Variants in TSPAN7 observed in about 807,000 individuals in gnomAD.
TSPAN7 encodes tetraspanin-7.
In TSPAN7, 1 loss-of-function variant was observed where a neutral mutation model predicts 17.6. The ratio of observed to expected loss-of-function variants is 0.06; its 90% CI spans 0.02 to 0.27. The LOEUF is 0.27. Ranked by LOEUF, TSPAN7 falls within the 10% of genes least tolerant of loss-of-function variation. The pLI is 1.00. For missense variants in TSPAN7, 112 were observed against 201.7 expected (o/e 0.56, Z 2.69); for synonymous variants, 78 against 79.0 (o/e 0.99, Z 0.07).
chrX:38,563,175 T>G, intron 1 of TSPAN7: 11 of 915,703 alleles, frequency 1.2e-5, no homozygotes, highest in East Asian at 7.6e-5. Context: ...CCAGGAGCTC[T>G]GCAATGAGCT....
intron 1 of TSPAN7, among the ~76,000 whole-genome samples, chrX:38,607,557 A>G (rs903208290): frequency 3.6e-5 from 4 of 111,510 alleles, no homozygotes; most frequent in African/African-American, 1.3e-4. Context: ...TTGTGGTGGG[A>G]CTGGAGAATC....
chrX:38,569,444 T>G (rs1191382348), intron 1 of TSPAN7, among the ~76,000 whole-genome samples: 1 of 99,096 alleles, frequency 1.0e-5, no homozygotes, highest in East Asian at 3.1e-4. Context: ...AGAATAAATA[T>G]CTGAACCTAT....
intron 2 of TSPAN7, among the ~76,000 whole-genome samples, chrX:38,667,345 G>A (rs760217082): frequency 2.7e-5 from 3 of 112,262 alleles, no homozygotes; most frequent in Non-Finnish European, 5.6e-5. Context: ...TAATGGTAAA[G>A]GATTTTATAG....
intron 1 of TSPAN7, among the ~76,000 whole-genome samples, chrX:38,574,309 A>T (rs1159430317): frequency 8.9e-6 from 1 of 112,404 alleles, no homozygotes; most frequent in African/African-American, 3.2e-5. Flanking sequence ...CTTTTTACAG[A>T]TGTAGTTGTT....
intron 5 of TSPAN7, among the ~76,000 whole-genome samples, chrX:38,678,255 A>C (rs1364829246): frequency 8.9e-6 from 1 of 112,173 alleles, no homozygotes; most frequent in African/African-American, 3.2e-5. Context: ...AGAGGAACAT[A>C]GTTACTTTGC....
intron 1 of TSPAN7, among the ~76,000 whole-genome samples, chrX:38,617,205 T>G (rs1360247552): frequency 8.9e-6 from 1 of 112,025 alleles, no homozygotes; most frequent in Non-Finnish European, 1.9e-5. Flanking sequence ...AAGTAGAGAT[T>G]CCTGGGCCTA....
intron 5 of TSPAN7, among the ~76,000 whole-genome samples, chrX:38,680,763 T>C (rs2069885377): frequency 9.0e-6 from 1 of 111,699 alleles, no homozygotes; most frequent in Non-Finnish European, 1.9e-5. Context: ...AGTAACTATG[T>C]TTATGATCCT....
intron 1 of TSPAN7, among the ~76,000 whole-genome samples, chrX:38,564,117 G>T (rs1253123212): frequency 1.8e-5 from 2 of 110,383 alleles, no homozygotes; most frequent in Non-Finnish European, 3.8e-5. Context: ...CTGTTATCCC[G>T]TTTACCCCCC....
intron 1 of TSPAN7, among the ~76,000 whole-genome samples, chrX:38,598,010 A>G (rs1322599082): frequency 3.6e-5 from 4 of 111,437 alleles, no homozygotes; most frequent in Non-Finnish European, 7.6e-5. Context: ...AAACAATTGT[A>G]CTGCAGTTAC....
At chrX:38,646,472 C>T (rs2069646686) in intron 1 of TSPAN7, among the ~76,000 whole-genome samples, 1 of 111,850 alleles carries the variant, frequency 8.9e-6, no homozygotes, top group Non-Finnish European at 1.9e-5. Context: ...GGGTTCTTAG[C>T]AGGGGCATGT....
chrX:38,572,193 G>A (rs1462212621), intron 1 of TSPAN7, among the ~76,000 whole-genome samples: 1 of 111,604 alleles, frequency 9.0e-6, no homozygotes, highest in East Asian at 2.8e-4. Context: ...ATCTTTTTGG[G>A]AAACATAGTG....
intron 2 of TSPAN7, among the ~76,000 whole-genome samples, chrX:38,671,026 GT>G (rs1457364974): frequency 5.4e-5 from 6 of 111,634 alleles, no homozygotes; most frequent in Admixed American, 9.5e-5. Context: ...GAGCAGTTTG[GT>G]TTTTTTCTAG....
At chrX:38,686,620 C>T (rs1230278956) in intron 6 of TSPAN7, among the ~76,000 whole-genome samples, 1 of 111,919 alleles carries the variant, frequency 8.9e-6, no homozygotes, top group Non-Finnish European at 1.9e-5. Flanking sequence ...GTAAAACATG[C>T]CCAGTTATCT....
chrX:38,613,941 C>T (rs1481821459), intron 1 of TSPAN7, among the ~76,000 whole-genome samples: 2 of 108,553 alleles, frequency 1.8e-5, no homozygotes, highest in African/African-American at 3.3e-5. Context: ...GCCCTGTGCC[C>T]ATTTTCAGCT....
At chrX:38,605,715 A>C (rs1367208550) in intron 1 of TSPAN7, among the ~76,000 whole-genome samples, 2 of 106,756 alleles carry the variant, frequency 1.9e-5, no homozygotes, top group East Asian at 2.9e-4. Context: ...AAACAGAGAT[A>C]TAGATCAATG....
At chrX:38,590,888 C>T (rs762740023) in intron 1 of TSPAN7, among the ~76,000 whole-genome samples, 1 of 111,662 alleles carries the variant, frequency 9.0e-6, no homozygotes, top group African/African-American at 3.2e-5. Flanking sequence ...TTACCTTTCT[C>T]AGTACTTACA....
chrX:38,592,964 A>T (rs1380612778), intron 1 of TSPAN7, among the ~76,000 whole-genome samples: 1 of 110,678 alleles, frequency 9.0e-6, no homozygotes, highest in African/African-American at 3.3e-5. Flanking sequence ...TTCACTGATA[A>T]TTTTTTCAGC....
intron 1 of TSPAN7, among the ~76,000 whole-genome samples, chrX:38,562,581 G>C (rs2069118931): frequency 9.3e-6 from 1 of 106,967 alleles, no homozygotes; most frequent in Non-Finnish European, 2.0e-5. Context: ...AGGGGGAGGA[G>C]GAGGAGGAGG....
intron 1 of TSPAN7, among the ~76,000 whole-genome samples, chrX:38,665,079 A>G (rs867129636): frequency 7.1e-5 from 8 of 112,067 alleles, no homozygotes; most frequent in South Asian, 3.7e-4. Context: ...CAAGGTGGGT[A>G]TGGATTTGTA....
Sources: gnomAD v4.1 joint callset for allele counts (sites outside exome capture counted in the v4.1 genomes callset) on GRCh38, gnomAD v4.1.1 for gene constraint, MANE v1.5 for transcripts, NCBI Gene and HGNC (gene_info 2026-07-23, HGNC 2026-07-21) for gene names.